Variants in ASL observed in about 807,000 individuals in gnomAD.
The protein encoded by ASL is argininosuccinate lyase.
ASL carries 51 observed loss-of-function variants against 69.1 expected under a neutral mutation model. The ratio of observed to expected loss-of-function variants is 0.74; its 90% confidence interval spans 0.59 to 0.93. ASL has a LOEUF of 0.93. ASL is among the 40% of genes least tolerant of loss of function. ASL has a pLI of 0.00. For missense variants in ASL, 540 were observed against 623.9 expected (o/e 0.87, Z 1.43); for synonymous variants, 241 against 247.6 (o/e 0.97, Z 0.25).
chr7:66,083,521 C>G (rs1786572369), intron 6 of ASL, among the ~76,000 whole-genome samples: 1 of 151,824 alleles, frequency 6.6e-6, no homozygotes, highest in Admixed American at 6.6e-5. Flanking sequence ...TCTGTCTCTA[C>G]TAAAAATACA....
chr7:66,077,068 A>G (rs1225243463), intron 2 of ASL, among the ~76,000 whole-genome samples: 1 of 152,162 alleles, frequency 6.6e-6, no homozygotes, highest in African/African-American at 2.4e-5. Flanking sequence ...AATAGGGGTA[A>G]TATTGCCCAC....
At position 66,087,726 on chromosome 7, in the gene ASL, C is replaced by T. The variant is rs769683525; in HGVS notation, c.656-3C>T. 6.2e-7 allele frequency: 1 copy of T among 1,614,124 alleles called. No individual in the cohort carries two copies. Reference sequence around the variant, plus strand: ...TTAGCCCTGCTTCCTCCCACCCCCCCAGAACTCAACTTTGGGGCCATCACT... The same window carrying T: ...TTAGCCCTGCTTCCTCCCACCCCCCTAGAACTCAACTTTGGGGCCATCACT... On this transcript the variant is annotated splice_region_variant and splice_polypyrimidine_tract_variant and intron_variant, in intron 9 of 16. Transcript: ENST00000304874.
intron 14 of ASL, chr7:66,091,682 A>C (rs1584035064): frequency 2.6e-6 from 1 of 379,606 alleles, no homozygotes; most frequent in Non-Finnish European, 5.0e-6. Flanking sequence ...TGGCCACTGC[A>C]CTCCAGCCTG....
Position 66,082,903 on chromosome 7 carries a change from G to A in ASL, c.315G>A (p.Gly105=). 6.2e-7 allele frequency: 1 copy of A among 1,613,776 alleles called. No individual in the cohort carries two copies. Among genetic ancestry groups the A allele is most frequent in the Non-Finnish European group, 8.5e-7 (1 of 1,180,006 alleles). The change falls in exon 5 of 17, where the codon GGG becomes GGA. Residue 105 remains glycine (G), a synonymous_variant. Coordinates refer to ENST00000304874, the MANE Select transcript of ASL (RefSeq NM_000048.4). ...AGGAGCTCATTGGTGCAACGGCAGG[G>A]AAGCTGCACACGGGACGGAGCCGGA... ...RLKELIGATA[G]KLHTGRSRND...
At chr7:66,076,125 T>C in intron 2 of ASL, 32 bp downstream of exon 2, 1 of 1,583,494 alleles carries the variant, frequency 6.3e-7, no homozygotes. Flanking sequence ...CCGGTCCTCC[T>C]AGCCTCCAAA....
At chr7:66,087,272 G>T (rs541434058) in intron 8 of ASL, 62 bp from the exon 9 acceptor site, 2 of 1,423,184 alleles carry the variant, frequency 1.4e-6, no homozygotes, top group Non-Finnish European at 2.0e-6. Flanking sequence ...GTGTGTGTGT[G>T]TGTGTGTGTG....
intron 15 of ASL, 97 bp from the exon 16 acceptor site, chr7:66,092,460 A>G: frequency 8.5e-7 from 1 of 1,170,036 alleles, no homozygotes; most frequent in Non-Finnish European, 1.2e-6. Context: ...TGTGTCAAAA[A>G]GAAAAAAAAA....
At chr7:66,086,557 C>T (rs1490113235) in intron 6 of ASL, 28 bp from the exon 7 acceptor site, 3 of 1,611,818 alleles carry the variant, frequency 1.9e-6, no homozygotes, top group East Asian at 2.2e-5. Context: ...GAGCCTCCAC[C>T]CGAGCTTCTG....
In ASL at chr7:66,088,966, T is replaced by C. The variant is rs367601880; in HGVS notation, c.833+45T>C. The C allele has an allele frequency of 9.9e-6, 16 of 1,608,412 alleles. No individual in the cohort carries two copies. In the African/African-American group the frequency reaches 2.1e-4, roughly 21 times the overall value. The stretch of plus-strand genomic sequence containing the variant: ...CTCCATCTGCCGCTGCCGGCCTCTG[T>C]ATCCCCCGCCGCCCGCGGACGTGGC... On this transcript the variant is annotated intron_variant, in intron 11 of 16. Coordinates refer to ENST00000304874, the MANE Select transcript of ASL (RefSeq NM_000048.4).
At chr7:66,090,716 C>G (rs1786816916) in intron 14 of ASL, among the ~76,000 whole-genome samples, 1 of 152,138 alleles carries the variant, frequency 6.6e-6, no homozygotes, top group Non-Finnish European at 1.5e-5. Context: ...ACCCACAGCT[C>G]TCTCCCACTC....
Position 66,093,373 on chromosome 7 carries a change from T to C in ASL, c.*461T>C, listed in dbSNP as rs1041845852. 4 of 284,988 alleles carry C rather than the reference T, an allele frequency of 1.4e-5. No individual in the cohort carries two copies. The highest frequency in any genetic ancestry group is 1.3e-3 in the Middle Eastern group (1 of 778). 17.7% of individuals were successfully genotyped at this position (284,988 alleles called of 1,614,324 possible). A position where few individuals can be genotyped will look rare whatever the true frequency, so the allele number is the denominator to read the frequency against. On this transcript the variant is annotated 3_prime_UTR_variant, in exon 17 of 17. Transcript: ENST00000304874. The stretch of plus-strand genomic sequence containing the variant: ...AGCGGAGAAAACTGGGCAAGGGCAA[T>C]GAGAGTCGTAGACGGGAAGGGAAGA...
At chr7:66,078,644 A>T (rs1167804014) in intron 2 of ASL, among the ~76,000 whole-genome samples, 8 of 151,790 alleles carry the variant, frequency 5.3e-5, no homozygotes, top group Non-Finnish European at 8.8e-5. Flanking sequence ...TATTATTATT[A>T]TTATTTTTAA....
At position 66,082,926 on chromosome 7, in the gene ASL, G is replaced by A. The variant is rs752783461; in HGVS notation, c.338G>A (p.Arg113Gln). 2.3e-5 allele frequency: 37 copies of A among 1,613,476 alleles called. No individual in the cohort carries two copies. Among genetic ancestry groups the A allele is most frequent in the South Asian group, 3.3e-5 (3 of 91,068 alleles). ...TAGKLHTGRS[R>Q]NDQVVTDLRL... ...GGGAAGCTGCACACGGGACGGAGCC[G>A]GAATGACCAGGTGCTTTAGCCCCTC... The change falls in exon 5 of 17, where the codon CGG (arginine) becomes CAG (glutamine). Residue 113 changes from arginine (R) to glutamine (Q), a missense_variant. Coordinates refer to ENST00000304874, the MANE Select transcript of ASL (RefSeq NM_000048.4).
Position 66,084,918 on chromosome 7 carries a change from C to A in ASL, c.447-1667C>A, listed in dbSNP as rs118042371. Among the ~76,000 whole-genome samples, 1,055 of 152,156 alleles carry A rather than the reference C, an allele frequency of 6.9e-3. 4 individuals carry two copies. The highest frequency in any genetic ancestry group is 0.01 in the Non-Finnish European group (690 of 68,006). ...ACAGGTGTGAGCCACCGTGCCCAGC[C>A]GCGAATTCTTTAAATTTTTTGTAGA... is the stretch of plus-strand genomic sequence containing the variant. On this transcript the variant is annotated intron_variant, in intron 6 of 16. Coordinates refer to ENST00000304874, the MANE Select transcript of ASL (RefSeq NM_000048.4).
chr7:66,085,449 G>A (rs1786632413), intron 6 of ASL, among the ~76,000 whole-genome samples: 1 of 151,652 alleles, frequency 6.6e-6, no homozygotes, highest in African/African-American at 2.4e-5. Context: ...TCCAGCCTGG[G>A]CAACAAGAGC....
At chr7:66,091,660 A>G (rs969689481) in intron 14 of ASL, 2 of 323,098 alleles carry the variant, frequency 6.2e-6, no homozygotes, top group Admixed American at 4.1e-5. Flanking sequence ...TCCAGGCTGC[A>G]GAGGGCTATA....
intron 2 of ASL, among the ~76,000 whole-genome samples, chr7:66,080,376 A>C (rs1584019274): frequency 1.9e-5 from 2 of 105,250 alleles, no homozygotes; most frequent in Admixed American, 1.2e-4. Context: ...ACAAAGAGAG[A>C]CTCCATCTCA....
chr7:66,081,841 G>C lies in ASL; in HGVS notation c.51G>C (p.Val17=). ...GGGGTGGCCGGTTTGTGGGTGCAGT[G>C]GACCCCATCATGGAGAAGTTCAACG... ...KLWGGRFVGA[V]DPIMEKFNAS... The change falls in exon 3 of 17, where the codon GTG becomes GTC. Residue 17 remains valine (V), a synonymous_variant. Coordinates refer to ENST00000304874, the MANE Select transcript of ASL (RefSeq NM_000048.4). The C allele has an allele frequency of 1.2e-6, 2 of 1,613,980 alleles. No individual in the cohort carries two copies. The highest frequency in any genetic ancestry group is 1.7e-6 in the Non-Finnish European group (2 of 1,180,028).
intron 6 of ASL, among the ~76,000 whole-genome samples, chr7:66,085,313 C>T (rs1462509606): frequency 1.3e-5 from 2 of 152,030 alleles, no homozygotes; most frequent in African/African-American, 4.8e-5. Flanking sequence ...CCCATCTCTA[C>T]TAAAAATACA....
Sources: gnomAD v4.1 joint callset for allele counts (sites outside exome capture counted in the v4.1 genomes callset) on GRCh38, gnomAD v4.1.1 for gene constraint, MANE v1.5 for transcripts, NCBI Gene and HGNC (gene_info 2026-07-23, HGNC 2026-07-21) for gene names.